The following PRDM4 variants were observed in gnomAD, a reference collection of about 807,000 sequenced individuals.
PRDM4 encodes the protein PR/SET domain 4, also known as PR domain zinc finger protein 4.
A neutral mutation model predicts 62.3 loss-of-function variants in PRDM4; 38 were observed. The observed-to-expected ratio is 0.61, with a 90% CI of 0.47 to 0.80. The LOEUF is 0.80. Ranked by LOEUF, PRDM4 falls within the 30% of genes least tolerant of loss-of-function variation. The pLI is 0.00. For missense variants in PRDM4, 858 were observed against 997.1 expected, an observed-to-expected ratio of 0.86 and a Z score of 1.88; for synonymous variants, 339 against 348.2, an observed-to-expected ratio of 0.97 and a Z score of 0.30.
rs550137840 is a variant in PRDM4 at position 107,761,038 on chromosome 12, C to G, written c.-338G>C. Reference sequence around the variant, plus strand: ...GCAGAGTTCGCCTCGGGGCCCTGCCCGTCCGCTCGGCCCCCTCACCCCGGG... The same window carrying G: ...GCAGAGTTCGCCTCGGGGCCCTGCCGGTCCGCTCGGCCCCCTCACCCCGGG... On this transcript the variant is annotated 5_prime_UTR_variant, in exon 1 of 12. Coordinates refer to ENST00000228437, the MANE Select transcript of PRDM4 (RefSeq NM_012406.4). The G allele has an allele frequency of 2.6e-4, 40 of 151,506 alleles. No individual in the cohort carries two copies. The highest frequency in any genetic ancestry group is 8.7e-4 in the African/African-American group (36 of 41,434). The allele number at this position is 151,506 out of a possible 1,614,324, so 9.4% of individuals were successfully genotyped here.
chr12:107,737,192 G>A (rs937930943), intron 11 of PRDM4, among the ~76,000 whole-genome samples: 3 of 151,946 alleles, frequency 2.0e-5, no homozygotes, highest in African/African-American at 4.8e-5. Context: ...GGGACACTAG[G>A]GGGGGAACTC....
chr12:107,742,685 G>A, intron 8 of PRDM4: 1 of 266,062 alleles, frequency 3.8e-6, no homozygotes, highest in Non-Finnish European at 7.0e-6. Context: ...GTAACTCAGG[G>A]GTGGACTAAC....
intron 2 of PRDM4, chr12:107,760,047 CCTTT>C (rs1340929212): frequency 6.5e-6 from 1 of 153,056 alleles, no homozygotes; most frequent in Non-Finnish European, 1.5e-5. Flanking sequence ...AAACATACGG[CCTTT>C]GAAAGGGCCT....
At chr12:107,752,922 A>C (rs1253365363) in intron 4 of PRDM4, among the ~76,000 whole-genome samples, 3 of 152,258 alleles carry the variant, frequency 2.0e-5, no homozygotes, top group Non-Finnish European at 2.9e-5. Context: ...CTGTCCAACA[A>C]TAAAGATAAT....
intron 11 of PRDM4, chr12:107,736,730 G>C (rs1890342704): frequency 6.6e-6 from 1 of 152,310 alleles, no homozygotes; most frequent in Non-Finnish European, 1.5e-5. Flanking sequence ...AGTAGATGAG[G>C]AGAAACAGCA....
intron 11 of PRDM4, among the ~76,000 whole-genome samples, chr12:107,737,385 T>C (rs986790962): frequency 1.3e-5 from 2 of 152,222 alleles, no homozygotes; most frequent in Non-Finnish European, 2.9e-5. Context: ...GGAACAGTGC[T>C]TCTTATAAGA....
At chr12:107,758,011 G>A (rs1285930485) in intron 2 of PRDM4, among the ~76,000 whole-genome samples, 1 of 152,114 alleles carries the variant, frequency 6.6e-6, no homozygotes, top group Non-Finnish European at 1.5e-5. Context: ...CTTACACTGG[G>A]CTTTATTCTC....
In PRDM4 at chr12:107,756,983, C is replaced by A; in HGVS notation, c.12-18G>T. Reference sequence around the variant, plus strand: ...CATTCATCCTAGAAAAGAGCACACACAACTAGTTATGCAAAAATTTACTCC... The same window carrying A: ...CATTCATCCTAGAAAAGAGCACACAAAACTAGTTATGCAAAAATTTACTCC... On this transcript the variant is annotated intron_variant, in intron 2 of 11. Transcript: ENST00000228437. The A allele has an allele frequency of 6.2e-7, 1 of 1,612,638 alleles. No homozygotes were observed. The highest frequency in any genetic ancestry group is 1.1e-5 in the South Asian group (1 of 91,048).
rs372625635 is a variant in PRDM4, at chr12:107,760,542, G to A, written c.-27C>T. ...GGCTTGGGGCCAAATATCAGAGAAA[G>A]GAGCGCTCGGGTGGTGGGGAACAGG... On this transcript the variant is annotated 5_prime_UTR_variant, in exon 2 of 12. Coordinates refer to ENST00000228437, the MANE Select transcript of PRDM4 (RefSeq NM_012406.4). The A allele has an allele frequency of 6.2e-6, 10 of 1,612,544 alleles. No homozygotes were observed. The highest frequency in any genetic ancestry group is 1.7e-4 in the Middle Eastern group (1 of 6,052).
chr12:107,750,711 A>C (rs544342245), intron 5 of PRDM4, among the ~76,000 whole-genome samples: 1 of 152,280 alleles, frequency 6.6e-6, no homozygotes, highest in African/African-American at 2.4e-5. Flanking sequence ...AAATTGGTTT[A>C]TATCCACCTA....
intron 11 of PRDM4, among the ~76,000 whole-genome samples, chr12:107,737,229 G>A (rs1271380346): frequency 6.6e-6 from 1 of 152,034 alleles, no homozygotes; most frequent in East Asian, 1.9e-4. Context: ...TAGGGCTGTA[G>A]CTGTTTTTTT....
At chr12:107,748,883 AAAAATC>A (rs1293086704) in intron 5 of PRDM4, among the ~76,000 whole-genome samples, 1 of 152,238 alleles carries the variant, frequency 6.6e-6, no homozygotes, top group Non-Finnish European at 1.5e-5. Flanking sequence ...CTCTTAAGAA[AAAAATC>A]AATAAGCTTA....
rs750319192 is a variant in PRDM4, at chr12:107,752,023, T to C, written c.518A>G (p.His173Arg). Reference sequence around the variant, plus strand: ...ACTGGGATGAAGACTTTGGGCACCATGTGTGTTCACAGAGCGAGAGTCTAT... The same window carrying C: ...ACTGGGATGAAGACTTTGGGCACCACGTGTGTTCACAGAGCGAGAGTCTAT... ...VSIDSRSVNTHGAQSLHPSDG... is the reference protein window; with the variant it reads ...VSIDSRSVNTRGAQSLHPSDG... Residue 173 changes from histidine to arginine, a missense_variant, in exon 5 of 12, where the codon CAT becomes CGT. Around this residue, in one of 3 missense-constraint regions of PRDM4, gnomAD observed 499 missense variants for 546.7 expected, o/e 0.91. Transcript: ENST00000228437. 3.1e-6 allele frequency: 5 copies of C among 1,614,074 alleles called. No homozygotes were observed. In the African/African-American group the frequency reaches 4.0e-5, roughly 13 times the overall value.
At chr12:107,754,580 A>C (rs1450624262) in intron 3 of PRDM4, among the ~76,000 whole-genome samples, 1 of 152,092 alleles carries the variant, frequency 6.6e-6, no homozygotes, top group Non-Finnish European at 1.5e-5. Flanking sequence ...ACAGGGTTTC[A>C]CCATGTTGGC....
intron 10 of PRDM4, among the ~76,000 whole-genome samples, chr12:107,740,032 G>A (rs1021728527): frequency 1.3e-5 from 2 of 152,142 alleles, no homozygotes; most frequent in Non-Finnish European, 2.9e-5. Flanking sequence ...ATTCCTCTAA[G>A]GGGTCAGCAA....
At chr12:107,741,716 A>C (rs1428210215) in intron 9 of PRDM4, among the ~76,000 whole-genome samples, 5 of 152,198 alleles carry the variant, frequency 3.3e-5, no homozygotes, top group African/African-American at 1.2e-4. Flanking sequence ...CTTATCTCTA[A>C]ATACACACAT....
At position 107,746,431 on chromosome 12, in the gene PRDM4, A is replaced by G. The variant is rs1890708797; in HGVS notation, c.1127-7T>C. ...CGGTCACACAGAGTACACCCTGTAG[A>G]TGGCAAATTTGAGCAATACAAATGG... On this transcript the variant is annotated splice_polypyrimidine_tract_variant and splice_region_variant and intron_variant, in intron 5 of 11. Transcript: ENST00000228437. 6.4e-7 allele frequency: 1 copy of G among 1,566,538 alleles called. No homozygotes were observed. Among genetic ancestry groups the G allele is most frequent in the Non-Finnish European group, 8.6e-7 (1 of 1,159,148 alleles).
rs1890232527 is a variant in PRDM4, at chr12:107,733,470, CTACAAAGATCTCCACGT to C, written c.*723_*739del. 1 of 152,168 alleles carries C rather than the reference CTACAAAGATCTCCACGT, an allele frequency of 6.6e-6. No homozygotes were observed. Among genetic ancestry groups the C allele is most frequent in the Non-Finnish European group, 1.5e-5 (1 of 68,072 alleles). The allele number at this position is 152,168 out of a possible 1,614,324, so 9.4% of individuals were successfully genotyped here. A position where few individuals can be genotyped will look rare whatever the true frequency, so the allele number is the denominator to read the frequency against. On this transcript the variant is annotated 3_prime_UTR_variant, in exon 12 of 12. Coordinates refer to ENST00000228437, the MANE Select transcript of PRDM4 (RefSeq NM_012406.4). Reference sequence around the variant, plus strand: ...TGGAGACAGGGAGCCATGTCTAAACCTACAAAGATCTCCACGTTACAATAACCAGGTGACTTGCTCAG... The same window carrying C: ...TGGAGACAGGGAGCCATGTCTAAACCTACAATAACCAGGTGACTTGCTCAG...
At chr12:107,746,216 AC>A in intron 6 of PRDM4, 58 bp downstream of exon 6, 1 of 1,579,288 alleles carries the variant, frequency 6.3e-7, no homozygotes, top group Admixed American at 1.8e-5. Flanking sequence ...CACTTTTACA[AC>A]TCTACGCTAC....
Sources: allele counts gnomAD v4.1 joint callset (sites outside exome capture counted in the v4.1 genomes callset), GRCh38; gene constraint gnomAD v4.1.1; regional missense constraint gnomAD v4.1.1; transcripts MANE v1.5; gene names NCBI Gene and HGNC (gene_info 2026-07-23, HGNC 2026-07-21).